Variants in TEK observed in about 807,000 individuals in gnomAD.
TEK encodes angiopoietin-1 receptor.
Under a neutral mutation model 131.8 loss-of-function variants are expected in TEK, and 43 were observed. The observed-to-expected ratio is 0.33, with a 90% CI of 0.26 to 0.42. The LOEUF is 0.42. Ranked by LOEUF, TEK falls within the 10% of genes least tolerant of loss-of-function variation. TEK has a pLI of 1.00. For synonymous variants in TEK, 580 were observed against 491.6 expected (o/e 1.18, Z -2.38); for missense variants, 1,162 against 1,384.4 (o/e 0.84, Z 2.55).
rs541903640 is a variant in TEK at position 27,170,916 on chromosome 9, T to C, written c.628+1287T>C. Among the ~76,000 whole-genome samples, 4 of 152,276 alleles carry C rather than the reference T, an allele frequency of 2.6e-5. No individual in the cohort carries two copies. In the South Asian group the frequency reaches 8.3e-4, roughly 32 times the overall value. On this transcript the variant is annotated intron_variant, in intron 4 of 22. Transcript: ENST00000380036. ...CACATTTGTACAGCATAATCATCCA[T>C]ATAAAAAGGGGGATCACAACGAGTA... is the stretch of plus-strand genomic sequence containing the variant.
intron 1 of TEK, among the ~76,000 whole-genome samples, chr9:27,152,155 C>A (rs1478714291): frequency 6.6e-6 from 1 of 152,098 alleles, no homozygotes; most frequent in African/African-American, 2.4e-5. Context: ...ATAGCTAATA[C>A]CAAATTTCCA....
intron 2 of TEK, among the ~76,000 whole-genome samples, chr9:27,164,709 T>C (rs923655078): frequency 2.6e-5 from 4 of 152,118 alleles, no homozygotes; most frequent in African/African-American, 9.7e-5. Context: ...TTTAAATATT[T>C]TTTTTGTATG....
rs753930813 is a variant in TEK at position 27,172,623 on chromosome 9, A to G, written c.636A>G (p.Glu212=). The change falls in exon 5 of 23, where the codon GAA becomes GAG. Residue 212 remains glutamate (E), a synonymous_variant. Transcript: ENST00000380036. ...AFTRLIVRRC[E]AQKWGPECNH... ...TGTTTTCCTTAACAAAAGGATGTGAAGCCCAGAAGTGGGGACCTGAATGCA... is the reference window on the plus strand; with the variant it reads ...TGTTTTCCTTAACAAAAGGATGTGAGGCCCAGAAGTGGGGACCTGAATGCA... The G allele has an allele frequency of 5.0e-6, 8 of 1,613,570 alleles. No individual in the cohort carries two copies. Among genetic ancestry groups the G allele is most frequent in the Non-Finnish European group, 6.8e-6 (8 of 1,179,590 alleles).
chr9:27,170,534 A>G (rs897066854), intron 4 of TEK, among the ~76,000 whole-genome samples: 3 of 152,184 alleles, frequency 2.0e-5, no homozygotes, highest in African/African-American at 7.2e-5. Flanking sequence ...TTGAGGTGGG[A>G]GGATAGTTCA....
chr9:27,195,343 A>C (rs1033145478), intron 11 of TEK, among the ~76,000 whole-genome samples: 3 of 152,102 alleles, frequency 2.0e-5, no homozygotes, highest in African/African-American at 7.2e-5. Flanking sequence ...AGTGTTTCTC[A>C]ACCTTTAAAA....
chr9:27,219,845 G>A (rs1668322357), intron 20 of TEK, among the ~76,000 whole-genome samples: 1 of 152,172 alleles, frequency 6.6e-6, no homozygotes, highest in Non-Finnish European at 1.5e-5. Flanking sequence ...TCCTTCCCCT[G>A]AAGCAATGAT....
Position 27,202,894 on chromosome 9 carries a change from T to C in TEK, c.1984T>C (p.Leu662=), listed in dbSNP as rs1423262211. ...HSSAVISWTI[L]DGYSISSITI... ...CTCAGCTGTGATTTCTTGGACAATA[T>C]TGGATGGCTATTCTATTTCTTCTAT... is the stretch of plus-strand genomic sequence containing the variant. The change falls in exon 13 of 23, where the codon TTG becomes CTG. Residue 662 remains leucine, a synonymous_variant. Coordinates refer to ENST00000380036, the MANE Select transcript of TEK (RefSeq NM_000459.5). 2 of 1,614,072 alleles carry C rather than the reference T, an allele frequency of 1.2e-6. No individual in the cohort carries two copies. The highest frequency in any genetic ancestry group is 1.3e-5 in the African/African-American group (1 of 74,946).
In TEK at chr9:27,229,387, G is replaced by A. The variant is rs959063711; in HGVS notation, c.*155G>A. On this transcript the variant is annotated 3_prime_UTR_variant, in exon 23 of 23. Transcript: ENST00000380036. ...TTCACCACTGTAGATCCCATGCATGGATCTATGTAGTATGCTCTGACTCTA... is the reference window on the plus strand; with the variant it reads ...TTCACCACTGTAGATCCCATGCATGAATCTATGTAGTATGCTCTGACTCTA... 29 of 739,846 alleles carry A rather than the reference G, an allele frequency of 3.9e-5. No individual in the cohort carries two copies. Among genetic ancestry groups the A allele is most frequent in the Non-Finnish European group, 6.3e-5 (26 of 410,920 alleles). 45.8% of individuals were successfully genotyped at this position (739,846 alleles called of 1,614,324 possible). A position where few individuals can be genotyped will look rare whatever the true frequency, so the allele number is the denominator to read the frequency against.
chr9:27,213,616 C>T lies in TEK; in HGVS notation c.2991+19C>T. Reference sequence around the variant, plus strand: ...GACAATGGTAAGTGCCAGACACAGACACTGATCGCATCCTTTCCGAGGTAC... The same window carrying T: ...GACAATGGTAAGTGCCAGACACAGATACTGATCGCATCCTTTCCGAGGTAC... On this transcript the variant is annotated intron_variant, in intron 18 of 22. Coordinates refer to ENST00000380036, the MANE Select transcript of TEK (RefSeq NM_000459.5). 2 of 1,567,624 alleles carry T rather than the reference C, an allele frequency of 1.3e-6. No homozygotes were observed. Among genetic ancestry groups the T allele is most frequent in the East Asian group, 2.2e-5 (1 of 44,584 alleles).
rs373424002 is a variant in TEK at position 27,113,582 on chromosome 9, G to A, written c.52+3940G>A. Among the ~76,000 whole-genome samples, 659 of 76,882 alleles carry A rather than the reference G, an allele frequency of 8.6e-3. 3 individuals carry two copies. The highest frequency in any genetic ancestry group is 0.027 in the African/African-American group (625 of 22,808). The allele number at this position is 76,882 out of a possible 152,430, so 50.4% of individuals were successfully genotyped here. ...CAGCCTGGTGACAGAGTGAGACTCC[G>A]TCTCAATAAAATAAAATAAAATAAA... On this transcript the variant is annotated intron_variant, in intron 1 of 22. Transcript: ENST00000380036.
chr9:27,119,025 T>G (rs1174396044), intron 1 of TEK, among the ~76,000 whole-genome samples: 1 of 152,206 alleles, frequency 6.6e-6, no homozygotes, highest in Non-Finnish European at 1.5e-5. Context: ...GTCCAAGGAT[T>G]TTCAAACACG....
intron 18 of TEK, among the ~76,000 whole-genome samples, chr9:27,214,869 C>G (rs956313458): frequency 3.9e-5 from 6 of 152,118 alleles, no homozygotes; most frequent in Non-Finnish European, 7.4e-5. Context: ...TGATGCTTTT[C>G]TCCCTAACCT....
rs773256013 is a variant in TEK at position 27,158,134 on chromosome 9, G to A, written c.356G>A (p.Arg119His). 31 of 1,613,956 alleles carry A rather than the reference G, an allele frequency of 1.9e-5. No homozygotes were observed. Among genetic ancestry groups the A allele is most frequent in the Non-Finnish European group, 2.5e-5 (29 of 1,180,010 alleles). Residue 119 changes from arginine (R) to histidine (H), a missense_variant, in exon 2 of 23, where the codon CGT becomes CAT. Physicochemically the swap from Arg to His is conservative, Grantham distance 29. Transcript: ENST00000380036. ...ATCAGGATACGAACCATGAAGATGC[G>A]TCAACAAGGTAACATGCCCCTAAGT... is the stretch of plus-strand genomic sequence containing the variant. ...EAIRIRTMKM[R>H]QQASFLPATL...
At chr9:27,196,058 A>G (rs1418881012) in intron 11 of TEK, among the ~76,000 whole-genome samples, 1 of 152,178 alleles carries the variant, frequency 6.6e-6, no homozygotes, top group Non-Finnish European at 1.5e-5. Flanking sequence ...TGCTAAGGGG[A>G]AGGAACCCCT....
At chr9:27,129,205 G>A (rs1463510344) in intron 1 of TEK, among the ~76,000 whole-genome samples, 1 of 152,078 alleles carries the variant, frequency 6.6e-6, no homozygotes, top group East Asian at 1.9e-4. Flanking sequence ...AATTTTGTCG[G>A]AGGACTTTTC....
chr9:27,184,465 G>A (rs1824520657), intron 8 of TEK, among the ~76,000 whole-genome samples: 1 of 152,142 alleles, frequency 6.6e-6, no homozygotes, highest in Admixed American at 6.6e-5. Flanking sequence ...GCAGGTATGA[G>A]TGACCTTCTG....
At chr9:27,113,319 C>T (rs1821418410) in intron 1 of TEK, among the ~76,000 whole-genome samples, 1 of 152,152 alleles carries the variant, frequency 6.6e-6, no homozygotes, top group African/African-American at 2.4e-5. Context: ...GGGCCTGGTG[C>T]TGTGGCTCAC....
chr9:27,178,984 A>T, intron 6 of TEK, among the ~76,000 whole-genome samples: 1 of 152,198 alleles, frequency 6.6e-6, no homozygotes, highest in Admixed American at 6.5e-5. Flanking sequence ...CAAATTTTTG[A>T]ATGTGTAAAT....
At chr9:27,111,715 A>G (rs909722055) in intron 1 of TEK, among the ~76,000 whole-genome samples, 99 of 107,510 alleles carry the variant, frequency 9.2e-4, no homozygotes, top group African/African-American at 3.1e-3. Context: ...AACAGGTTCT[A>G]TTATATTAGC....
Sources: allele counts gnomAD v4.1 joint callset (sites outside exome capture counted in the v4.1 genomes callset), GRCh38; gene constraint gnomAD v4.1.1; transcripts MANE v1.5; gene names NCBI Gene and HGNC (gene_info 2026-07-23, HGNC 2026-07-21).